The following GRID2 variants were observed in gnomAD, a reference collection of about 807,000 sequenced individuals.
The protein encoded by GRID2 is glutamate ionotropic receptor delta type subunit 2.
Under a neutral mutation model 114.8 loss-of-function variants are expected in GRID2, and 33 were observed. The observed-to-expected ratio is 0.29, with a 90% CI of 0.22 to 0.38. The LOEUF is 0.38. Among genes scored for constraint, GRID2 ranks in the 10% least tolerant of loss-of-function variants. The pLI is 1.00. For missense variants in GRID2, 1,184 were observed against 1,257.7 expected (o/e 0.94, Z 0.89); for synonymous variants, 505 against 449.9 (o/e 1.12, Z -1.55).
intron 2 of GRID2, among the ~76,000 whole-genome samples, chr4:92,952,118 A>T (rs923570159): frequency 1.3e-5 from 2 of 152,196 alleles, no homozygotes; most frequent in Non-Finnish European, 2.9e-5. Flanking sequence ...ATTTTGCCAA[A>T]TTGCCCTCCA....
At chr4:92,424,998 T>G (rs1732089029) in intron 1 of GRID2, among the ~76,000 whole-genome samples, 1 of 152,006 alleles carries the variant, frequency 6.6e-6, no homozygotes, top group African/African-American at 2.4e-5. Context: ...TCTTGTATTG[T>G]TATTAAACAT....
In GRID2 at chr4:93,013,283, T is replaced by C. The variant is rs184397193; in HGVS notation, c.245-71712T>C. On this transcript the variant is annotated intron_variant, in intron 2 of 15. Transcript: ENST00000282020. Reference sequence around the variant, plus strand: ...ATGATTATTTAAGAGTTTTATAGCCTTCTTTTGTTGGTTGAGTTTTTTTAA... The same window carrying C: ...ATGATTATTTAAGAGTTTTATAGCCCTCTTTTGTTGGTTGAGTTTTTTTAA... Among the ~76,000 whole-genome samples, 83 of 152,114 alleles carry C rather than the reference T, an allele frequency of 5.5e-4. No individual in the cohort carries two copies. The East Asian group carries it at 0.012, about 23-fold the overall frequency.
At chr4:92,426,927 G>A (rs899834612) in intron 1 of GRID2, among the ~76,000 whole-genome samples, 1 of 152,116 alleles carries the variant, frequency 6.6e-6, no homozygotes, top group African/African-American at 2.4e-5. Context: ...TTTTAAAATG[G>A]AGGAGGGTGA....
At chr4:93,681,896 A>C (rs1473917526) in intron 14 of GRID2, among the ~76,000 whole-genome samples, 1 of 151,762 alleles carries the variant, frequency 6.6e-6, no homozygotes, top group Non-Finnish European at 1.5e-5. Context: ...TAAAACACCA[A>C]AAGCAATGGC....
At chr4:93,225,087 T>A (rs773644605) in intron 7 of GRID2, among the ~76,000 whole-genome samples, 5 of 152,050 alleles carry the variant, frequency 3.3e-5, no homozygotes, top group Non-Finnish European at 7.4e-5. Context: ...AAAAGGCTTT[T>A]AAAAAAACAC....
At chr4:92,540,889 AAC>A (rs1266361897) in intron 1 of GRID2, among the ~76,000 whole-genome samples, 1 of 152,200 alleles carries the variant, frequency 6.6e-6, no homozygotes, top group East Asian at 1.9e-4. Context: ...ACTTGTGACC[AAC>A]CCAAATGTCC....
chr4:92,511,109 T>C (rs1187135725), intron 1 of GRID2, among the ~76,000 whole-genome samples: 2 of 151,856 alleles, frequency 1.3e-5, no homozygotes, highest in Non-Finnish European at 2.9e-5. Context: ...TTAATTTGGC[T>C]CATTGTTCTG....
At chr4:92,308,457 A>T (rs1475710865) in intron 1 of GRID2, among the ~76,000 whole-genome samples, 1 of 152,142 alleles carries the variant, frequency 6.6e-6, no homozygotes. Flanking sequence ...GAAAAGATGC[A>T]TTTATTCATG....
intron 14 of GRID2, among the ~76,000 whole-genome samples, chr4:93,637,967 C>A (rs1051659879): frequency 2.4e-4 from 36 of 152,022 alleles, no homozygotes; most frequent in African/African-American, 8.0e-4. Context: ...GAAACAGAAT[C>A]TGATACTTCT....
intron 1 of GRID2, among the ~76,000 whole-genome samples, chr4:92,335,181 A>G (rs930128892): frequency 2.6e-5 from 4 of 152,202 alleles, no homozygotes; most frequent in African/African-American, 7.2e-5. Context: ...TTAACTTCAG[A>G]GTTAGCATCA....
chr4:93,348,173 T>C (rs771088610), intron 8 of GRID2, among the ~76,000 whole-genome samples: 5 of 152,156 alleles, frequency 3.3e-5, no homozygotes, highest in Admixed American at 6.6e-5. Flanking sequence ...ATATATCTAC[T>C]ATATTGCTTA....
intron 5 of GRID2, 116 bp downstream of exon 5, chr4:93,207,573 A>G (rs1441513010): frequency 7.5e-6 from 5 of 668,750 alleles, no homozygotes; most frequent in Admixed American, 2.6e-5. Flanking sequence ...TAAACATTCA[A>G]CTTACTGAGT....
At chr4:92,419,589 G>A (rs1365003142) in intron 1 of GRID2, among the ~76,000 whole-genome samples, 1 of 152,100 alleles carries the variant, frequency 6.6e-6, no homozygotes, top group African/African-American at 2.4e-5. Flanking sequence ...GCAGGTTCAA[G>A]TGGGAAATAA....
intron 2 of GRID2, among the ~76,000 whole-genome samples, chr4:92,950,789 A>G (rs903870425): frequency 2.0e-5 from 3 of 152,208 alleles, no homozygotes; most frequent in Non-Finnish European, 2.9e-5. Context: ...TGTAGTGTGT[A>G]CTAGAAAAGT....
intron 2 of GRID2, among the ~76,000 whole-genome samples, chr4:93,041,964 G>A (rs548112321): frequency 6.6e-6 from 1 of 151,966 alleles, no homozygotes; most frequent in Non-Finnish European, 1.5e-5. Context: ...GTGCAATGGC[G>A]TGGTCTCGAC....
At chr4:93,429,702 G>C (rs1580060179) in intron 10 of GRID2, among the ~76,000 whole-genome samples, 1 of 152,098 alleles carries the variant, frequency 6.6e-6, no homozygotes. Context: ...GGAGGAATAA[G>C]TGGACTAAAT....
At chr4:92,574,719 G>T (rs898132067) in intron 1 of GRID2, among the ~76,000 whole-genome samples, 1 of 151,854 alleles carries the variant, frequency 6.6e-6, no homozygotes, top group Non-Finnish European at 1.5e-5. Context: ...TCCCTTTGTC[G>T]GTCACCTGCG....
intron 2 of GRID2, among the ~76,000 whole-genome samples, chr4:93,004,622 T>C (rs887995470): frequency 1.3e-5 from 2 of 152,010 alleles, no homozygotes; most frequent in Non-Finnish European, 2.9e-5. Context: ...GACACTCTTA[T>C]ATCAATGAAG....
At chr4:92,648,942 CAATT>C (rs1480336198) in intron 2 of GRID2, among the ~76,000 whole-genome samples, 2 of 137,556 alleles carry the variant, frequency 1.5e-5, no homozygotes, top group Non-Finnish European at 1.6e-5. Context: ...TCTTTAGAGA[CAATT>C]ATTTATGTGT....
Sources: allele counts gnomAD v4.1 joint callset (sites outside exome capture counted in the v4.1 genomes callset), GRCh38; gene constraint gnomAD v4.1.1; transcripts MANE v1.5; gene names NCBI Gene and HGNC (gene_info 2026-07-23, HGNC 2026-07-21).